The following COMMD1 variants were observed in gnomAD, a reference collection of about 807,000 sequenced individuals.
The protein encoded by COMMD1 is copper metabolism domain containing 1, also known as COMM domain-containing protein 1.
In COMMD1, 10 loss-of-function variants were observed where a neutral mutation model predicts 17.2. That is an observed-to-expected ratio of 0.58 (90% CI 0.36 to 0.99). The LOEUF is 0.99. Ranked by LOEUF, COMMD1 falls within the 50% of genes least tolerant of loss-of-function variation. The pLI is 0.01. For missense variants in COMMD1, 270 were observed against 231.8 expected, an observed-to-expected ratio of 1.17 and a Z score of -1.07; for synonymous variants, 97 against 91.6, an observed-to-expected ratio of 1.06 and a Z score of -0.34.
At chr2:62,041,991 T>TAGGAGGATTGCTTG in intron 2 of COMMD1, among the ~76,000 whole-genome samples, 2 of 152,330 alleles carry the variant, frequency 1.3e-5, no homozygotes, top group Admixed American at 1.3e-4. Context: ...CTGGCTCTGG[T>TAGGAGGATTGCTTG]GGCCTGCTTT....
chr2:62,042,780 A>G (rs1190546856), intron 2 of COMMD1, among the ~76,000 whole-genome samples: 1 of 152,196 alleles, frequency 6.6e-6, no homozygotes, highest in African/African-American at 2.4e-5. Flanking sequence ...AGCATAAGCC[A>G]CCACACACCC....
At chr2:61,908,411 G>A (rs1669825136) in intron 1 of COMMD1, among the ~76,000 whole-genome samples, 1 of 151,700 alleles carries the variant, frequency 6.6e-6, no homozygotes, top group Admixed American at 6.6e-5. Context: ...AATTTTTGGA[G>A]AGATGGGGTT....
chr2:62,060,887 C>G (rs941746852), intron 2 of COMMD1, among the ~76,000 whole-genome samples: 1 of 152,078 alleles, frequency 6.6e-6, no homozygotes, highest in African/African-American at 2.4e-5. Context: ...TTCTCAGGCT[C>G]TGTTTTTTTC....
chr2:62,098,340 TAG>T (rs1672074712), intron 2 of COMMD1, among the ~76,000 whole-genome samples: 1 of 152,062 alleles, frequency 6.6e-6, no homozygotes, highest in Admixed American at 6.5e-5. Context: ...TTATTTTTAG[TAG>T]AGACAGGGTT....
chr2:61,888,769 C>A (rs1333227064), exon 1 of COMMD1: 6 of 505,504 alleles, frequency 1.2e-5, no homozygotes, highest in Non-Finnish European at 2.1e-5. Flanking sequence ...ACGCCCGGGG[C>A]GCTGTGGGTG....
intron 1 of COMMD1, among the ~76,000 whole-genome samples, chr2:61,921,990 T>C (rs1279897809): frequency 6.6e-6 from 1 of 152,242 alleles, no homozygotes; most frequent in Non-Finnish European, 1.5e-5. Context: ...CGATGTATTC[T>C]GTAGAATATT....
intron 2 of COMMD1, among the ~76,000 whole-genome samples, chr2:62,037,417 C>A (rs962437003): frequency 2.0e-5 from 3 of 152,136 alleles, no homozygotes; most frequent in Non-Finnish European, 4.4e-5. Flanking sequence ...TTAGTAAACT[C>A]TATGTGGCCA....
chr2:61,944,003 C>G (rs1420948867), intron 1 of COMMD1, among the ~76,000 whole-genome samples: 1 of 152,196 alleles, frequency 6.6e-6, no homozygotes, highest in East Asian at 1.9e-4. Context: ...CCAGGGACGC[C>G]TTTTGGTTGG....
At chr2:62,037,357 G>C (rs2103887511) in intron 2 of COMMD1, among the ~76,000 whole-genome samples, 1 of 152,328 alleles carries the variant, frequency 6.6e-6, no homozygotes, top group African/African-American at 2.4e-5. Flanking sequence ...GATACACCCT[G>C]CCCAGCTCCT....
At chr2:62,086,673 A>G (rs1182304411) in intron 2 of COMMD1, among the ~76,000 whole-genome samples, 1 of 152,216 alleles carries the variant, frequency 6.6e-6, no homozygotes, top group Non-Finnish European at 1.5e-5. Context: ...TTTATTATTT[A>G]TAACCTAAAT....
intron 2 of COMMD1, among the ~76,000 whole-genome samples, chr2:62,109,136 A>C (rs1220439372): frequency 6.6e-6 from 1 of 152,196 alleles, no homozygotes; most frequent in African/African-American, 2.4e-5. Flanking sequence ...ATAATGACTT[A>C]ATTGCTGAGA....
At chr2:62,056,038 A>G (rs973526776) in intron 2 of COMMD1, among the ~76,000 whole-genome samples, 4 of 152,238 alleles carry the variant, frequency 2.6e-5, no homozygotes, top group African/African-American at 9.6e-5. Flanking sequence ...TTGAATGATT[A>G]CATATCAGGA....
At chr2:62,055,208 C>A (rs1273575102) in intron 2 of COMMD1, among the ~76,000 whole-genome samples, 1 of 152,164 alleles carries the variant, frequency 6.6e-6, no homozygotes, top group Admixed American at 6.5e-5. Flanking sequence ...CTGCGCATGG[C>A]CTGCCCACTA....
chr2:62,118,601 A>G (rs13424375), intron 2 of COMMD1, among the ~76,000 whole-genome samples: 2,190 of 152,326 alleles, frequency 0.014, 59 homozygotes, highest in African/African-American at 0.05. Context: ...ACTTTGGGAT[A>G]TAGCATGGCA....
At chr2:61,978,586 G>C (rs745335167) in intron 1 of COMMD1, among the ~76,000 whole-genome samples, 5 of 152,112 alleles carry the variant, frequency 3.3e-5, no homozygotes, top group Non-Finnish European at 5.9e-5. Context: ...AGTGCTAAGA[G>C]GAAAAGTTCC....
At chr2:61,972,118 T>TA (rs1671666291) in intron 1 of COMMD1, among the ~76,000 whole-genome samples, 1 of 151,980 alleles carries the variant, frequency 6.6e-6, no homozygotes, top group East Asian at 1.9e-4. Flanking sequence ...AGACTCTGTT[T>TA]AAAAAAACAA....
chr2:62,117,286 T>C (rs954594882), intron 2 of COMMD1, among the ~76,000 whole-genome samples: 2 of 152,244 alleles, frequency 1.3e-5, no homozygotes, highest in African/African-American at 4.8e-5. Flanking sequence ...ACTCGTTGCC[T>C]GTACATAAAG....
intron 2 of COMMD1, among the ~76,000 whole-genome samples, chr2:62,022,629 CT>C (rs937276166): frequency 5.4e-5 from 8 of 148,242 alleles, no homozygotes; most frequent in South Asian, 2.1e-4. Flanking sequence ...CTGCATATCA[CT>C]TTTTTTTTAA....
At chr2:61,998,105 C>CGG (rs1177082399) in intron 1 of COMMD1, among the ~76,000 whole-genome samples, 4 of 152,254 alleles carry the variant, frequency 2.6e-5, no homozygotes, top group African/African-American at 4.8e-5. Flanking sequence ...TTTCTCACCT[C>CGG]TCTCAACCTA....
Sources: gnomAD v4.1 joint callset for allele counts (sites outside exome capture counted in the v4.1 genomes callset) on GRCh38, gnomAD v4.1.1 for gene constraint, MANE v1.5 for transcripts, NCBI Gene and HGNC (gene_info 2026-07-23, HGNC 2026-07-21) for gene names.